PSMG2: variants seen among roughly 807,000 people sequenced by gnomAD.
PSMG2 encodes the protein proteasome assembly chaperone 2.
In PSMG2, 21 loss-of-function variants were observed where a neutral mutation model predicts 31.5. That is an observed-to-expected ratio of 0.67 (90% CI 0.47 to 0.96). PSMG2 has a LOEUF of 0.96. PSMG2 is among the 40% of genes least tolerant of loss of function. The pLI, the probability that PSMG2 is intolerant of heterozygous loss-of-function variation, is 0.00. For synonymous variants in PSMG2, 120 were observed against 110.4 expected (o/e 1.09, Z -0.54); for missense variants, 318 against 321.2 (o/e 0.99, Z 0.08).
chr18:12,718,458 T>G, intron 3 of PSMG2, 59 bp from the exon 4 acceptor site: 1 of 953,052 alleles, frequency 1.0e-6, no homozygotes, highest in Admixed American at 2.3e-5. Flanking sequence ...TATAGAATGT[T>G]TGTATGCTCT....
chr18:12,717,746 CTCTT>C (rs1289248813), intron 3 of PSMG2, among the ~76,000 whole-genome samples: 1 of 152,162 alleles, frequency 6.6e-6, no homozygotes, highest in African/African-American at 2.4e-5. Flanking sequence ...TGGCCTGCCC[CTCTT>C]TCTTTCTTTA....
intron 1 of PSMG2, among the ~76,000 whole-genome samples, chr18:12,669,032 C>T (rs947079365): frequency 1.2e-4 from 5 of 41,958 alleles, no homozygotes; most frequent in South Asian, 6.7e-4. Flanking sequence ...ACCCCCCGCA[C>T]TTTTTTTTTT....
At chr18:12,674,680 A>G in intron 1 of PSMG2, 1 of 1,614,138 alleles carries the variant, frequency 6.2e-7, no homozygotes, top group Non-Finnish European at 8.5e-7. Context: ...TGTACGCTCA[A>G]ATTCATAAGA....
At chr18:12,702,905 GC>G (rs1598674886), upstream of PSMG2, 3 of 598,242 alleles carry the variant, frequency 5.0e-6, no homozygotes, top group Non-Finnish European at 5.7e-6. Context: ...AGCGCTGCTG[GC>G]CCCTCTTCGC....
chr18:12,706,361 C>T (rs2040268435), intron 1 of PSMG2, among the ~76,000 whole-genome samples, 189 bp from the exon 2 acceptor site: 1 of 152,118 alleles, frequency 6.6e-6, no homozygotes, highest in Non-Finnish European at 1.5e-5. Flanking sequence ...GTGGTGCGCG[C>T]CTATAATCTC....
rs1464331218 is a variant in PSMG2 at position 12,660,321 on chromosome 18, T to A, written c.-37+1548T>A. Among the ~76,000 whole-genome samples the A allele has an allele frequency of 1.1e-4, 5 of 43,518 alleles. No individual in the cohort carries two copies. In the East Asian group the frequency reaches 1.7e-3, roughly 15 times the overall value. 28.5% of individuals were successfully genotyped at this position (43,518 alleles called of 152,430 possible). A position where few individuals can be genotyped will look rare whatever the true frequency, so the allele number is the denominator to read the frequency against. Reference sequence around the variant, plus strand: ...CCTCTAATCAATGGAAAAAGATGCATTTTTTTTTTTTTTTTAATTGAGACA... The same window carrying A: ...CCTCTAATCAATGGAAAAAGATGCAATTTTTTTTTTTTTTTAATTGAGACA... On this transcript the variant is annotated intron_variant, in intron 1 of 6. Coordinates refer to the PSMG2 transcript ENST00000585331.
At chr18:12,702,522 G>C, upstream of PSMG2, 1 of 1,608,876 alleles carries the variant, frequency 6.2e-7, no homozygotes, top group Non-Finnish European at 8.5e-7. Flanking sequence ...GCTTCAGCTC[G>C]GAGGCTTTCT....
At chr18:12,693,749 C>T (rs1445678901) in intron 1 of PSMG2, among the ~76,000 whole-genome samples, 1 of 152,156 alleles carries the variant, frequency 6.6e-6, no homozygotes, top group Non-Finnish European at 1.5e-5. Flanking sequence ...CGCCACTGCA[C>T]TCCAACCTGG....
chr18:12,673,548 A>G (rs2039007023), intron 1 of PSMG2: 1 of 1,420,340 alleles, frequency 7.0e-7, no homozygotes, highest in Non-Finnish European at 9.6e-7. Context: ...GTGACCATAC[A>G]CTTTAATTCC....
At chr18:12,682,663 C>T (rs2039392457) in intron 1 of PSMG2, among the ~76,000 whole-genome samples, 1 of 152,104 alleles carries the variant, frequency 6.6e-6, no homozygotes, top group South Asian at 2.1e-4. Flanking sequence ...GAGTCTCGCT[C>T]TGTCACCCAG....
chr18:12,705,545 A>AAGAGAGAGAGAGAG (rs142910283), intron 1 of PSMG2, among the ~76,000 whole-genome samples: 1 of 137,774 alleles, frequency 7.3e-6, no homozygotes, highest in African/African-American at 2.8e-5. Context: ...TCATGGGAAA[A>AAGAGAGAGAGAGAG]AGAGAGAGAG....
chr18:12,677,570 A>G (rs2039187743), intron 1 of PSMG2, among the ~76,000 whole-genome samples: 1 of 151,994 alleles, frequency 6.6e-6, no homozygotes, highest in Non-Finnish European at 1.5e-5. Flanking sequence ...ACAAACAGAA[A>G]CCAACCTGGG....
At chr18:12,702,465 C>T (rs376672479), upstream of PSMG2, 2 of 1,586,834 alleles carry the variant, frequency 1.3e-6, no homozygotes, top group Non-Finnish European at 1.7e-6. Context: ...GGCGGTCTCT[C>T]CCAGCACCCG....
intron 3 of PSMG2, among the ~76,000 whole-genome samples, chr18:12,716,391 T>A (rs1351149908): frequency 9.7e-6 from 1 of 103,116 alleles, no homozygotes; most frequent in South Asian, 2.5e-4. Flanking sequence ...AAAGAGTGAA[T>A]TTTTTTTTTT....
chr18:12,689,332 C>G (rs1326520925), intron 1 of PSMG2, among the ~76,000 whole-genome samples: 1 of 152,090 alleles, frequency 6.6e-6, no homozygotes, highest in Non-Finnish European at 1.5e-5. Context: ...ATTTTATTTA[C>G]TCTATGTATA....
At chr18:12,662,549 G>T (rs186810679) in intron 1 of PSMG2, among the ~76,000 whole-genome samples, 1 of 152,294 alleles carries the variant, frequency 6.6e-6, no homozygotes, top group East Asian at 1.9e-4. Flanking sequence ...GCTGAGGCAG[G>T]AGCATCATTT....
At chr18:12,681,183 G>T (rs2145018195) in intron 1 of PSMG2, among the ~76,000 whole-genome samples, 1 of 140,442 alleles carries the variant, frequency 7.1e-6, no homozygotes, top group East Asian at 2.2e-4. Context: ...CAGCAACAGA[G>T]TAAGACTCTG....
chr18:12,668,764 A>C, intron 1 of PSMG2, among the ~76,000 whole-genome samples: 1 of 111,808 alleles, frequency 8.9e-6, no homozygotes, highest in Non-Finnish European at 1.7e-5. Context: ...TTTGAGACAG[A>C]GTCTTGCTCT....
At chr18:12,691,928 T>C (rs1252229873) in intron 1 of PSMG2, among the ~76,000 whole-genome samples, 1 of 151,990 alleles carries the variant, frequency 6.6e-6, no homozygotes, top group African/African-American at 2.4e-5. Context: ...ACCACATTGG[T>C]CAAGCTAGTC....
Sources: allele counts gnomAD v4.1 joint callset (sites outside exome capture counted in the v4.1 genomes callset), GRCh38; gene constraint gnomAD v4.1.1; transcripts MANE v1.5; gene names NCBI Gene and HGNC (gene_info 2026-07-23, HGNC 2026-07-21).